CSMD2: variants seen among roughly 807,000 people sequenced by gnomAD.
CSMD2 encodes the protein CUB and Sushi multiple domains 2, also known as CUB and sushi domain-containing protein 2.
In CSMD2, 130 loss-of-function variants were observed where a neutral mutation model predicts 398.5. The ratio of observed to expected loss-of-function variants is 0.33; its 90% CI spans 0.28 to 0.38. CSMD2 has a LOEUF of 0.38. Ranked by LOEUF, CSMD2 falls within the 10% of genes least tolerant of loss-of-function variation. The pLI, the probability that CSMD2 is intolerant of heterozygous loss-of-function variation, is 1.00. For synonymous variants in CSMD2, 1,828 were observed against 1,908.5 expected (o/e 0.96, Z 1.10); for missense variants, 3,829 against 4,764.9 (o/e 0.80, Z 5.78).
intron 6 of CSMD2, among the ~76,000 whole-genome samples, chr1:33,830,292 G>A (rs1258412858): frequency 9.9e-5 from 15 of 152,248 alleles, no homozygotes; most frequent in Non-Finnish European, 2.1e-4. Flanking sequence ...TCACACGGCC[G>A]GGTACTCCTC....
At chr1:33,810,967 C>T in intron 9 of CSMD2, 103 bp from the exon 10 acceptor site, 2 of 1,296,914 alleles carry the variant, frequency 1.5e-6, no homozygotes, top group Non-Finnish European at 1.1e-6. Flanking sequence ...GTACAGTTCC[C>T]ACCCTGGACA....
intron 55 of CSMD2, among the ~76,000 whole-genome samples, chr1:33,556,062 G>T (rs1657937960): frequency 6.6e-6 from 1 of 152,176 alleles, no homozygotes; most frequent in South Asian, 2.1e-4. Flanking sequence ...AATTAGAGCA[G>T]CAAGAGAACC....
chr1:34,142,430 A>G (rs1431589704), intron 1 of CSMD2, among the ~76,000 whole-genome samples: 1 of 152,174 alleles, frequency 6.6e-6, no homozygotes, highest in African/African-American at 2.4e-5. Context: ...TTCAGCTGCA[A>G]GCACCTTACA....
At chr1:33,830,090 A>G (rs1310804449) in intron 6 of CSMD2, among the ~76,000 whole-genome samples, 4 of 152,226 alleles carry the variant, frequency 2.6e-5, no homozygotes, top group African/African-American at 7.2e-5. Context: ...GGGCACAGAC[A>G]AACAAAAAGA....
Position 33,724,506 on chromosome 1 carries a change from T to C in CSMD2, c.2884+10A>G, listed in dbSNP as rs201557057. On this transcript the variant is annotated intron_variant, in intron 18 of 70. Coordinates refer to ENST00000373381, the MANE Select transcript of CSMD2 (RefSeq NM_001281956.2). ...CTGCTACTTTAGCGCCCCCTCATGGTGTCCCTCACCTTCACAACTGGGCAG... is the reference window on the plus strand; with the variant it reads ...CTGCTACTTTAGCGCCCCCTCATGGCGTCCCTCACCTTCACAACTGGGCAG... The C allele has an allele frequency of 2.7e-4, 442 of 1,611,210 alleles. 1 individual carries two copies. The highest frequency in any genetic ancestry group is 3.4e-4 in the Non-Finnish European group (402 of 1,178,426).
rs1640144616 is a variant in CSMD2, at chr1:33,600,530, A to G, written c.6856+335T>C. 6 of 502,232 alleles carry G rather than the reference A, an allele frequency of 1.2e-5. No homozygotes were observed. The South Asian group carries it at 1.4e-4, about 12-fold the overall frequency. The allele number at this position is 502,232 out of a possible 1,614,324, so 31.1% of individuals were successfully genotyped here. A position where few individuals can be genotyped will look rare whatever the true frequency, so the allele number is the denominator to read the frequency against. On this transcript the variant is annotated intron_variant, in intron 44 of 70. Transcript: ENST00000373381. ...CCTTTGGAGAAGGAGAACCCGCTAG[A>G]AAGTGCTAAGGGATAAGCTGGGGCA... is the stretch of plus-strand genomic sequence containing the variant.
chr1:34,024,513 C>T (rs1053312817), intron 3 of CSMD2, among the ~76,000 whole-genome samples: 11 of 152,320 alleles, frequency 7.2e-5, no homozygotes, highest in African/African-American at 2.6e-4. Context: ...GAAAATCATC[C>T]TGATTCTCCA....
At chr1:34,069,950 T>TA (rs1475953139) in intron 2 of CSMD2, among the ~76,000 whole-genome samples, 8 of 152,228 alleles carry the variant, frequency 5.3e-5, no homozygotes, top group Admixed American at 6.5e-5. Flanking sequence ...GTCTGCTTCT[T>TA]ATCACCATCA....
Position 33,622,264 on chromosome 1 carries a change from G to C in CSMD2, c.5730C>G (p.Thr1910=), listed in dbSNP as rs200049994. 2 of 1,613,510 alleles carry C rather than the reference G, an allele frequency of 1.2e-6. No homozygotes were observed. Among genetic ancestry groups the C allele is most frequent in the Admixed American group, 3.3e-5 (2 of 60,028 alleles). The change falls in exon 37 of 71, where the codon ACC becomes ACG. Residue 1910 remains threonine (T), a synonymous_variant. Transcript: ENST00000373381. ...AGGTGCTGTTCAGAAGGGCAGGCAC[G>C]GTTGTTCCTAGGGCAAGGACACCAG... ...VTMLGSFSGT[T]VPALLNSTSN...
chr1:33,635,662 GC>G lies in CSMD2; in HGVS notation c.4970-333del, dbSNP rs1233088362. Among the ~76,000 whole-genome samples, 1 of 152,180 alleles carries G rather than the reference GC, an allele frequency of 6.6e-6. No individual in the cohort carries two copies. Among genetic ancestry groups the G allele is most frequent in the Admixed American group, 6.5e-5 (1 of 15,284 alleles). On this transcript the variant is annotated intron_variant, in intron 30 of 70. Coordinates refer to ENST00000373381, the MANE Select transcript of CSMD2 (RefSeq NM_001281956.2). This position sits in a 1 kb window ranked among gnomAD's most constrained non-coding sequence, Gnocchi z 5.0. ...GGAACCTCTTCTGCTTACACGTGGA[GC>G]CTAGAAATGATCTGCTGCCCTGGCT...
chr1:33,658,086 C>T lies in CSMD2; in HGVS notation c.4307G>A (p.Arg1436Gln), dbSNP rs755597325. 8.7e-6 allele frequency: 14 copies of T among 1,614,204 alleles called. No individual in the cohort carries two copies. In the East Asian group the frequency reaches 1.1e-4, roughly 13 times the overall value. ...NDPGIPQNGSRSGDSWEAGDS... is the reference protein window; with the variant it reads ...NDPGIPQNGSQSGDSWEAGDS... ...GCCGGCTTCCCAACTGTCACCACTC[C>T]GACTCCCATTCTGCGGGATCCCAGG... Residue 1436 changes from arginine (R) to glutamine (Q), a missense_variant, in exon 27 of 71, where the codon CGG becomes CAG. Physicochemically the swap from Arg to Gln is conservative, Grantham distance 43 (BLOSUM62 1). Coordinates refer to ENST00000373381, the MANE Select transcript of CSMD2 (RefSeq NM_001281956.2).
intron 2 of CSMD2, among the ~76,000 whole-genome samples, chr1:34,047,218 C>A (rs1652633988): frequency 6.6e-6 from 1 of 152,164 alleles, no homozygotes; most frequent in Non-Finnish European, 1.5e-5. Context: ...CTCACTCTAA[C>A]CATAACGGCC....
upstream of CSMD2, chr1:34,165,601 C>CACACACAA (rs1641819320): frequency 4.4e-6 from 1 of 224,812 alleles, no homozygotes; most frequent in Non-Finnish European, 8.2e-6. Context: ...CACACACAAA[C>CACACACAA]ACACACACAC....
intron 1 of CSMD2, among the ~76,000 whole-genome samples, chr1:34,129,503 T>C (rs529700864): frequency 6.6e-6 from 1 of 151,970 alleles, no homozygotes; most frequent in East Asian, 1.9e-4. Flanking sequence ...TAAAAAAAAA[T>C]TAGCCGGGCA....
rs765656645 is a variant in CSMD2, at chr1:33,636,598, C to T, written c.4775-44G>A. 1 of 1,553,908 alleles carries T rather than the reference C, an allele frequency of 6.4e-7. No individual in the cohort carries two copies. The highest frequency in any genetic ancestry group is 1.7e-5 in the Admixed American group (1 of 58,394). On this transcript the variant is annotated intron_variant, in intron 29 of 70. Coordinates refer to ENST00000373381, the MANE Select transcript of CSMD2 (RefSeq NM_001281956.2). The surrounding 1 kb of genome is among the most constrained non-coding windows in gnomAD (Gnocchi z 4.8). The stretch of plus-strand genomic sequence containing the variant: ...AACACGTGCACACACACAGAGGGCT[C>T]ATGAGGAGGCTATTCTTGGGCTCCA...
chr1:34,105,112 T>TC (rs1287478763), intron 1 of CSMD2, among the ~76,000 whole-genome samples: 37 of 152,344 alleles, frequency 2.4e-4, no homozygotes, highest in African/African-American at 8.7e-4. Context: ...TCACAGATGT[T>TC]TTTAATGAAG....
intron 5 of CSMD2, among the ~76,000 whole-genome samples, chr1:33,856,902 G>A (rs1052290035): frequency 1.3e-5 from 2 of 151,746 alleles, no homozygotes; most frequent in African/African-American, 2.4e-5. Context: ...CTCATAGTGC[G>A]ATTGTGAGTG....
intron 2 of CSMD2, among the ~76,000 whole-genome samples, chr1:34,083,753 C>A (rs1026725070): frequency 1.3e-5 from 2 of 152,032 alleles, no homozygotes; most frequent in African/African-American, 4.8e-5. Context: ...CCTGTCTCTA[C>A]AGAAAGAGTG....
chr1:33,601,058 G>A, intron 43 of CSMD2, 48 bp from the exon 44 acceptor site: 1 of 1,609,632 alleles, frequency 6.2e-7, no homozygotes, highest in Non-Finnish European at 8.5e-7. Flanking sequence ...CACCATGGCT[G>A]CCTGCTCCAC....
Sources: gnomAD v4.1 joint callset for allele counts (sites outside exome capture counted in the v4.1 genomes callset) on GRCh38, gnomAD v4.1.1 for gene constraint, Gnocchi (gnomAD v3.1) non-coding constraint, MANE v1.5 for transcripts, NCBI Gene and HGNC (gene_info 2026-07-23, HGNC 2026-07-21) for gene names.